Variants in DLG2 observed in about 807,000 individuals in gnomAD.
DLG2 encodes disks large homolog 2.
A neutral mutation model predicts 132.5 loss-of-function variants in DLG2; 45 were observed. The observed-to-expected ratio is 0.34, with a 90% CI of 0.27 to 0.44. The LOEUF is 0.44. DLG2 is among the 20% of genes least tolerant of loss of function. The pLI is 1.00. For synonymous variants in DLG2, 424 were observed against 419.6 expected (o/e 1.01, Z -0.13); for missense variants, 1,045 against 1,196.9 (o/e 0.87, Z 1.87).
At chr11:85,177,648 C>T (rs994436864) in intron 4 of DLG2, among the ~76,000 whole-genome samples, 1 of 152,022 alleles carries the variant, frequency 6.6e-6, no homozygotes, top group African/African-American at 2.4e-5. Context: ...CAAACCTACA[C>T]ATCCTACATA....
At chr11:84,257,008 T>C (rs559635599) in intron 7 of DLG2, among the ~76,000 whole-genome samples, 1 of 152,294 alleles carries the variant, frequency 6.6e-6, no homozygotes, top group Non-Finnish European at 1.5e-5. Flanking sequence ...GCTAGGGAAG[T>C]AGAATATTGG....
chr11:84,053,473 A>G (rs1225869516), intron 11 of DLG2, among the ~76,000 whole-genome samples: 1 of 151,990 alleles, frequency 6.6e-6, no homozygotes, highest in Non-Finnish European at 1.5e-5. Context: ...AGTATTTTAT[A>G]TTAAATATTA....
intron 6 of DLG2, among the ~76,000 whole-genome samples, chr11:84,781,170 A>G (rs1597983071): frequency 6.6e-6 from 1 of 152,124 alleles, no homozygotes; most frequent in Non-Finnish European, 1.5e-5. Context: ...AAAACAAGGT[A>G]TCTTTTGAAT....
intron 21 of DLG2, among the ~76,000 whole-genome samples, chr11:83,530,191 T>G (rs1565660488): frequency 6.6e-6 from 1 of 152,112 alleles, no homozygotes; most frequent in Non-Finnish European, 1.5e-5. Context: ...ACCTACCTCT[T>G]GTATACAAGT....
chr11:85,503,449 C>G (rs1050883944), intron 3 of DLG2, among the ~76,000 whole-genome samples: 3 of 151,986 alleles, frequency 2.0e-5, no homozygotes, highest in Admixed American at 1.3e-4. Flanking sequence ...CACAAAGTAT[C>G]CAGGATGGGT....
intron 4 of DLG2, among the ~76,000 whole-genome samples, chr11:85,166,168 T>TA (rs1219242376): frequency 1.3e-5 from 2 of 152,260 alleles, no homozygotes; most frequent in African/African-American, 4.8e-5. Context: ...CTCTCTCTCC[T>TA]ATTTGCCACC....
chr11:84,647,212 G>T (rs931510583), intron 6 of DLG2, among the ~76,000 whole-genome samples: 2 of 152,084 alleles, frequency 1.3e-5, no homozygotes, highest in African/African-American at 4.8e-5. Context: ...CACTTAGAAA[G>T]GTACGTACAA....
chr11:85,444,733 T>C (rs78205194), intron 3 of DLG2, among the ~76,000 whole-genome samples: 5,352 of 152,362 alleles, frequency 0.035, 145 homozygotes, highest in Admixed American at 0.051. Flanking sequence ...CTACCTGTTA[T>C]AGGCTTCTGT....
At chr11:84,804,317 G>C (rs1472044359) in intron 6 of DLG2, among the ~76,000 whole-genome samples, 1 of 152,154 alleles carries the variant, frequency 6.6e-6, no homozygotes, top group East Asian at 1.9e-4. Context: ...TCAGATTCCA[G>C]AACAAAATGC....
intron 6 of DLG2, among the ~76,000 whole-genome samples, chr11:84,659,471 C>A (rs2099692164): frequency 6.6e-6 from 1 of 152,108 alleles, no homozygotes; most frequent in South Asian, 2.1e-4. Context: ...TTCCAGATAT[C>A]TAGAGATGCT....
chr11:85,163,224 G>GACACAC (rs112583126), intron 4 of DLG2, among the ~76,000 whole-genome samples: 15 of 135,136 alleles, frequency 1.1e-4, no homozygotes, highest in African/African-American at 3.5e-4. Context: ...CACACACACA[G>GACACAC]ACACACACAC....
intron 7 of DLG2, among the ~76,000 whole-genome samples, chr11:84,350,038 C>T (rs2098555856): frequency 2.0e-5 from 3 of 151,732 alleles, no homozygotes; most frequent in South Asian, 2.1e-4. Flanking sequence ...ATTAGCGGGG[C>T]GTGGTGGTGG....
intron 18 of DLG2, among the ~76,000 whole-genome samples, chr11:83,751,787 T>C (rs940595027): frequency 2.6e-5 from 4 of 152,198 alleles, no homozygotes; most frequent in Non-Finnish European, 4.4e-5. Flanking sequence ...TTGGACATGC[T>C]ATGTTTAAGA....
At chr11:84,029,588 C>T (rs1163780055) in intron 11 of DLG2, among the ~76,000 whole-genome samples, 3 of 152,188 alleles carry the variant, frequency 2.0e-5, no homozygotes, top group Admixed American at 6.6e-5. Flanking sequence ...ATGAATAATA[C>T]AGTAAAAATA....
At chr11:85,072,989 A>T (rs1430695263) in intron 6 of DLG2, among the ~76,000 whole-genome samples, 3 of 151,876 alleles carry the variant, frequency 2.0e-5, no homozygotes, top group Non-Finnish European at 4.4e-5. Context: ...TGTCAAAAAT[A>T]AGAGCTTTTA....
chr11:84,418,812 C>T (rs527423783), intron 7 of DLG2, among the ~76,000 whole-genome samples: 1 of 152,316 alleles, frequency 6.6e-6, no homozygotes, highest in South Asian at 2.1e-4. Context: ...CCTGTTTTCT[C>T]ACCCTGGAAT....
chr11:83,874,696 T>C (rs2064319573), intron 15 of DLG2, among the ~76,000 whole-genome samples: 1 of 152,084 alleles, frequency 6.6e-6, no homozygotes, highest in African/African-American at 2.4e-5. Context: ...GAAACACAGA[T>C]CATTTATTTA....
intron 3 of DLG2, among the ~76,000 whole-genome samples, chr11:85,471,627 A>G (rs2092987761): frequency 6.6e-6 from 1 of 152,204 alleles, no homozygotes; most frequent in Non-Finnish European, 1.5e-5. Context: ...AACAACTAGT[A>G]TAAGATTCCC....
chr11:84,479,123 A>G (rs1229057155), intron 7 of DLG2, among the ~76,000 whole-genome samples: 2 of 152,108 alleles, frequency 1.3e-5, no homozygotes, highest in African/African-American at 4.8e-5. Flanking sequence ...ATGATGACAT[A>G]TATTTCTAAG....
Sources: allele counts gnomAD v4.1 joint callset (sites outside exome capture counted in the v4.1 genomes callset), GRCh38; gene constraint gnomAD v4.1.1; transcripts MANE v1.5; gene names NCBI Gene and HGNC (gene_info 2026-07-23, HGNC 2026-07-21).